The following ESRRG variants were observed in gnomAD, a reference collection of about 807,000 sequenced individuals.
ESRRG encodes the protein estrogen-related receptor gamma.
In ESRRG, 13 loss-of-function variants were observed where a neutral mutation model predicts 44.0. The observed-to-expected ratio is 0.30, with a 90% CI of 0.19 to 0.47. The LOEUF (loss-of-function observed/expected upper bound fraction) is 0.47. Ranked by LOEUF, ESRRG falls within the 20% of genes least tolerant of loss-of-function variation. ESRRG has a pLI of 1.00. For synonymous variants in ESRRG, 215 were observed against 214.6 expected (o/e 1.00, Z -0.02); for missense variants, 395 against 580.6 (o/e 0.68, Z 3.29).
intron 3 of ESRRG, among the ~76,000 whole-genome samples, chr1:216,584,627 C>T (rs996778107): frequency 8.5e-5 from 13 of 152,142 alleles, no homozygotes; most frequent in African/African-American, 3.1e-4. Flanking sequence ...CCTTGCATAG[C>T]CACTACTCAA....
At chr1:216,869,285 CT>C (rs1032289660) in intron 2 of ESRRG, among the ~76,000 whole-genome samples, 6 of 152,026 alleles carry the variant, frequency 3.9e-5, no homozygotes, top group African/African-American at 9.7e-5. Flanking sequence ...CTTTTTCCCC[CT>C]GTTGATGTTC....
chr1:217,120,000 G>A (rs1022932727), intron 1 of ESRRG, among the ~76,000 whole-genome samples: 3 of 152,198 alleles, frequency 2.0e-5, no homozygotes, highest in African/African-American at 4.8e-5. Flanking sequence ...GTAATAATAA[G>A]TAGATGTTGC....
intron 5 of ESRRG, among the ~76,000 whole-genome samples, chr1:216,522,534 AGAGCTCTCC>A (rs2046409432): frequency 6.6e-6 from 1 of 152,122 alleles, no homozygotes; most frequent in Non-Finnish European, 1.5e-5. Flanking sequence ...GCTAGTACAA[AGAGCTCTCC>A]TGCCCAAATG....
chr1:216,826,474 T>C (rs2095398486), intron 2 of ESRRG, among the ~76,000 whole-genome samples: 1 of 152,188 alleles, frequency 6.6e-6, no homozygotes, highest in South Asian at 2.1e-4. Context: ...AGATAGGTGA[T>C]AAGCAGAGGT....
At chr1:216,899,155 A>T (rs1454183959) in intron 2 of ESRRG, among the ~76,000 whole-genome samples, 1 of 152,170 alleles carries the variant, frequency 6.6e-6, no homozygotes, top group Non-Finnish European at 1.5e-5. Context: ...TGGCTAAGAA[A>T]CTTTATAGAT....
At chr1:216,736,309 G>T (rs2089903194) in intron 2 of ESRRG, among the ~76,000 whole-genome samples, 1 of 148,276 alleles carries the variant, frequency 6.7e-6, no homozygotes, top group South Asian at 2.2e-4. Context: ...CAGCCTCTCC[G>T]AGTAGCTGGG....
At chr1:216,841,747 T>G (rs1487199731) in intron 2 of ESRRG, among the ~76,000 whole-genome samples, 1 of 152,162 alleles carries the variant, frequency 6.6e-6, no homozygotes, top group Non-Finnish European at 1.5e-5. Context: ...AAGGCAAGTG[T>G]CTGGTTCTAA....
intron 3 of ESRRG, among the ~76,000 whole-genome samples, chr1:216,601,033 T>TC (rs1336830036): frequency 2.6e-5 from 4 of 152,154 alleles, no homozygotes; most frequent in African/African-American, 9.7e-5. Flanking sequence ...TGGATTGGGC[T>TC]CCCGTGGGTT....
At chr1:216,891,473 C>T (rs2818741) in intron 2 of ESRRG, among the ~76,000 whole-genome samples, 11,479 of 152,292 alleles carry the variant, frequency 0.075, 1,195 homozygotes, top group African/African-American at 0.23. Flanking sequence ...CGCACACATA[C>T]GTGAGCAGAC....
chr1:216,580,170 A>T (rs1318045406), intron 3 of ESRRG, among the ~76,000 whole-genome samples: 1 of 152,226 alleles, frequency 6.6e-6, no homozygotes, highest in African/African-American at 2.4e-5. Context: ...AAAAATACTG[A>T]GTAAGTGAAT....
chr1:216,576,085 GGT>G (rs1180488404), intron 3 of ESRRG, among the ~76,000 whole-genome samples: 4 of 152,006 alleles, frequency 2.6e-5, no homozygotes, highest in African/African-American at 9.7e-5. Flanking sequence ...GATTAGACAA[GGT>G]GTGTATTTCA....
chr1:216,674,117 A>G (rs1337049404), intron 2 of ESRRG, among the ~76,000 whole-genome samples: 3 of 152,236 alleles, frequency 2.0e-5, no homozygotes, highest in African/African-American at 4.8e-5. Flanking sequence ...TGAATTGTAT[A>G]TACTTTGTAA....
intron 2 of ESRRG, among the ~76,000 whole-genome samples, chr1:216,929,963 TG>T (rs775893989): frequency 2.0e-5 from 3 of 152,162 alleles, no homozygotes; most frequent in Admixed American, 6.6e-5. Flanking sequence ...ACACCCATAC[TG>T]TATCACTCTT....
chr1:216,977,717 T>G (rs2150357393), intron 1 of ESRRG, among the ~76,000 whole-genome samples: 1 of 152,134 alleles, frequency 6.6e-6, no homozygotes, highest in South Asian at 2.1e-4. Context: ...ACCAGCTGGG[T>G]TGCTGTGGTT....
intron 2 of ESRRG, among the ~76,000 whole-genome samples, chr1:216,887,280 A>C (rs2149367168): frequency 6.6e-6 from 1 of 152,326 alleles, no homozygotes; most frequent in African/African-American, 2.4e-5. Flanking sequence ...ATATCAGTTA[A>C]GTAAACTTTC....
intron 1 of ESRRG, among the ~76,000 whole-genome samples, chr1:216,956,727 C>A (rs2068028797): frequency 6.6e-6 from 1 of 152,158 alleles, no homozygotes; most frequent in Non-Finnish European, 1.5e-5. Flanking sequence ...ACATGCCTGG[C>A]AGTGCAGTTA....
chr1:216,658,359 G>A (rs1044458949), intron 2 of ESRRG, among the ~76,000 whole-genome samples: 11 of 152,040 alleles, frequency 7.2e-5, no homozygotes, highest in Non-Finnish European at 1.2e-4. Flanking sequence ...GTAAACATGG[G>A]CATTCCTTTA....
rs1190880180 is a variant in ESRRG at position 216,774,620 on chromosome 1, CTT to C, written c.-13-97131_-13-97130del. Among the ~76,000 whole-genome samples, 5 of 151,962 alleles carry C rather than the reference CTT, an allele frequency of 3.3e-5. No individual in the cohort carries two copies. The East Asian group carries it at 9.7e-4, about 29-fold the overall frequency. On this transcript the variant is annotated intron_variant, in intron 2 of 7. Transcript: ENST00000359162. Reference sequence around the variant, plus strand: ...CAAAGCCATTGTTCATAAATAAAGACTTTGAAGTAAACAAAAAATCCTTATAA... The same window carrying C: ...CAAAGCCATTGTTCATAAATAAAGACTGAAGTAAACAAAAAATCCTTATAA...
chr1:216,883,713 C>T (rs1419563984), intron 2 of ESRRG, among the ~76,000 whole-genome samples: 1 of 152,158 alleles, frequency 6.6e-6, no homozygotes, highest in Admixed American at 6.5e-5. Flanking sequence ...AACTAATACA[C>T]CCCCTAATGG....
Sources: allele counts gnomAD v4.1 joint callset (sites outside exome capture counted in the v4.1 genomes callset), GRCh38; gene constraint gnomAD v4.1.1; transcripts MANE v1.5; gene names NCBI Gene and HGNC (gene_info 2026-07-23, HGNC 2026-07-21).